OSBPL10: variants seen among roughly 807,000 people sequenced by gnomAD.
OSBPL10 encodes oxysterol binding protein like 10, also known as oxysterol-binding protein-related protein 10.
Under a neutral mutation model 81.7 loss-of-function variants are expected in OSBPL10, and 49 were observed. That is an observed-to-expected ratio of 0.60 (90% CI 0.48 to 0.76). The LOEUF is 0.76. Among genes scored for constraint, OSBPL10 ranks in the 30% least tolerant of loss-of-function variants. The pLI is 0.00. For missense variants in OSBPL10, 923 were observed against 987.8 expected (o/e 0.93, Z 0.88); for synonymous variants, 419 against 383.6 (o/e 1.09, Z -1.08).
chr3:31,952,821 G>A (rs1697905779), intron 1 of OSBPL10, among the ~76,000 whole-genome samples: 1 of 152,038 alleles, frequency 6.6e-6, no homozygotes, highest in African/African-American at 2.4e-5. Flanking sequence ...GATTCTCTCA[G>A]GTACTAATCA....
chr3:31,997,174 A>G (rs919927430), intron 2 of OSBPL10, among the ~76,000 whole-genome samples: 9 of 152,186 alleles, frequency 5.9e-5, no homozygotes, highest in African/African-American at 2.2e-4. Context: ...ATTTATGTGC[A>G]CAGCAGAGCC....
At chr3:32,075,302 C>T (rs1250053744) in intron 1 of OSBPL10, among the ~76,000 whole-genome samples, 1 of 152,070 alleles carries the variant, frequency 6.6e-6, no homozygotes, top group Admixed American at 6.6e-5. Context: ...GTTGTTTTTA[C>T]CTAAATCAAT....
chr3:32,005,876 G>A (rs760353021), intron 2 of OSBPL10, among the ~76,000 whole-genome samples: 3 of 152,014 alleles, frequency 2.0e-5, no homozygotes, highest in Non-Finnish European at 2.9e-5. Context: ...GTGAGCCACC[G>A]TGCCCAGCCC....
At chr3:31,977,477 T>C (rs1340652877) in intron 1 of OSBPL10, among the ~76,000 whole-genome samples, 2 of 152,062 alleles carry the variant, frequency 1.3e-5, no homozygotes, top group African/African-American at 4.8e-5. Context: ...CAGAACCCAG[T>C]CTGAAATTCT....
At chr3:31,754,980 A>G (rs185858556) in intron 4 of OSBPL10, among the ~76,000 whole-genome samples, 1 of 152,138 alleles carries the variant, frequency 6.6e-6, no homozygotes, top group Non-Finnish European at 1.5e-5. Flanking sequence ...AGTTTAGAAC[A>G]TAGGTCCTGG....
intron 2 of OSBPL10, among the ~76,000 whole-genome samples, chr3:32,005,055 T>C (rs1443908210): frequency 6.6e-6 from 1 of 152,178 alleles, no homozygotes; most frequent in Non-Finnish European, 1.5e-5. Context: ...CTTCTTTCAC[T>C]CAACACTTTT....
chr3:31,846,632 C>CAATAAATA (rs71097451), intron 3 of OSBPL10, among the ~76,000 whole-genome samples: 1,507 of 149,160 alleles, frequency 0.01, 19 homozygotes, highest in African/African-American at 0.034. Flanking sequence ...AACTCCATCT[C>CAATAAATA]AATAAATAAA....
intron 3 of OSBPL10, among the ~76,000 whole-genome samples, chr3:31,840,968 G>A (rs1700478744): frequency 1.3e-5 from 2 of 152,202 alleles, no homozygotes; most frequent in South Asian, 4.1e-4. Context: ...GAGTGCAATG[G>A]CGTGATCTCG....
intron 4 of OSBPL10, among the ~76,000 whole-genome samples, chr3:31,773,920 T>G (rs941898786): frequency 6.6e-6 from 1 of 152,110 alleles, no homozygotes; most frequent in Admixed American, 6.5e-5. Context: ...TCCCAACACT[T>G]TGGGAGGCCG....
chr3:31,765,397 C>T (rs1370748912), intron 4 of OSBPL10, among the ~76,000 whole-genome samples: 1 of 152,040 alleles, frequency 6.6e-6, no homozygotes, highest in Non-Finnish European at 1.5e-5. Context: ...GCTCTCGGTG[C>T]CACTTTGTCT....
At chr3:31,777,925 C>G (rs967491332) in intron 4 of OSBPL10, among the ~76,000 whole-genome samples, 2 of 152,222 alleles carry the variant, frequency 1.3e-5, no homozygotes, top group African/African-American at 4.8e-5. Flanking sequence ...TTGGGGAAGG[C>G]AGCAGGTGGA....
intron 1 of OSBPL10, among the ~76,000 whole-genome samples, chr3:31,913,220 A>G (rs2125695458): frequency 6.6e-6 from 1 of 151,144 alleles, no homozygotes; most frequent in East Asian, 2.0e-4. Context: ...TGGACACAGA[A>G]GTACTAGGTT....
chr3:31,848,413 T>C (rs1700686672), intron 3 of OSBPL10, among the ~76,000 whole-genome samples: 1 of 151,998 alleles, frequency 6.6e-6, no homozygotes, highest in African/African-American at 2.4e-5. Context: ...GTGAGTCTCA[T>C]CTCAAACATG....
chr3:31,965,850 AAAGAT>A (rs1178806918), intron 1 of OSBPL10, among the ~76,000 whole-genome samples: 1 of 65,694 alleles, frequency 1.5e-5, no homozygotes, highest in Non-Finnish European at 2.4e-5. Flanking sequence ...TATTATATAA[AAAGAT>A]AATATATAAT....
At chr3:31,864,586 G>A (rs1701131295) in intron 3 of OSBPL10, among the ~76,000 whole-genome samples, 1 of 152,056 alleles carries the variant, frequency 6.6e-6, no homozygotes, top group African/African-American at 2.4e-5. Flanking sequence ...ACCACAAGAG[G>A]GAGGGGGAGG....
chr3:32,049,426 A>T (rs951827439), intron 1 of OSBPL10, among the ~76,000 whole-genome samples: 1 of 152,170 alleles, frequency 6.6e-6, no homozygotes, highest in African/African-American at 2.4e-5. Flanking sequence ...CATTTTACCC[A>T]GGTAAAGGAT....
In OSBPL10 at chr3:31,774,456, G is replaced by T. The variant is rs1007274764; in HGVS notation, c.730-26336C>A. 2.6e-5 allele frequency among the ~76,000 whole-genome samples: 4 copies of T among 152,230 alleles called. No homozygotes were observed. The South Asian group carries it at 8.3e-4, about 32-fold the overall frequency. ...ACAGTGTCTAGCAACAGAGGCAGATGGGCAAGTGGAGGGAAGAGATTGTTG... is the reference window on the plus strand; with the variant it reads ...ACAGTGTCTAGCAACAGAGGCAGATTGGCAAGTGGAGGGAAGAGATTGTTG... On this transcript the variant is annotated intron_variant, in intron 4 of 11. Coordinates refer to ENST00000396556, the MANE Select transcript of OSBPL10 (RefSeq NM_017784.5).
chr3:31,671,682 A>T (rs2125515581), intron 8 of OSBPL10, among the ~76,000 whole-genome samples: 1 of 152,314 alleles, frequency 6.6e-6, no homozygotes, highest in Non-Finnish European at 1.5e-5. Flanking sequence ...ACGCACTTCC[A>T]GAGAAAGGGT....
chr3:32,013,881 C>T (rs1699287404), intron 2 of OSBPL10, among the ~76,000 whole-genome samples: 1 of 152,142 alleles, frequency 6.6e-6, no homozygotes, highest in Non-Finnish European at 1.5e-5. Flanking sequence ...TACACCCTCC[C>T]AAGACTAAAC....
Sources: allele counts gnomAD v4.1 joint callset (sites outside exome capture counted in the v4.1 genomes callset), GRCh38; gene constraint gnomAD v4.1.1; transcripts MANE v1.5; gene names NCBI Gene and HGNC (gene_info 2026-07-23, HGNC 2026-07-21).